PRLR: variants seen among roughly 807,000 people sequenced by gnomAD.
The protein encoded by PRLR is prolactin receptor, also known as hPRL receptor.
In PRLR, 13 loss-of-function variants were observed where a neutral mutation model predicts 40.2. The observed-to-expected ratio is 0.32, with a 90% CI of 0.21 to 0.51. The LOEUF (loss-of-function observed/expected upper bound fraction) is 0.51. Ranked by LOEUF, PRLR falls within the 20% of genes least tolerant of loss-of-function variation. The pLI, the probability that PRLR is intolerant of heterozygous loss-of-function variation, is 0.97. For missense variants in PRLR, 656 were observed against 747.3 expected, an observed-to-expected ratio of 0.88 and a Z score of 1.42; for synonymous variants, 269 against 278.7, an observed-to-expected ratio of 0.97 and a Z score of 0.35.
intron 2 of PRLR, among the ~76,000 whole-genome samples, chr5:35,117,060 T>G (rs962063685): frequency 6.6e-6 from 1 of 152,094 alleles, no homozygotes; most frequent in Non-Finnish European, 1.5e-5. Context: ...CTTCTGGTAT[T>G]TAGTGGGAGA....
chr5:35,199,289 T>A (rs1775816696), intron 1 of PRLR, among the ~76,000 whole-genome samples: 1 of 152,192 alleles, frequency 6.6e-6, no homozygotes, highest in Non-Finnish European at 1.5e-5. Flanking sequence ...GGCCGTGTAA[T>A]GCTGTGGACA....
chr5:35,096,189 C>T (rs1407562531), intron 2 of PRLR, among the ~76,000 whole-genome samples: 4 of 152,226 alleles, frequency 2.6e-5, no homozygotes, highest in East Asian at 1.9e-4. Context: ...GATATATGTG[C>T]CTTTGCACTG....
chr5:35,229,633 C>T (rs1029914030), intron 1 of PRLR, among the ~76,000 whole-genome samples: 9 of 152,086 alleles, frequency 5.9e-5, no homozygotes, highest in African/African-American at 2.2e-4. Flanking sequence ...TGCCTAGGTG[C>T]CTCCGTCCAG....
intron 2 of PRLR, among the ~76,000 whole-genome samples, chr5:35,100,183 CAAAAA>C (rs35912961): frequency 1.5e-5 from 1 of 65,056 alleles, no homozygotes. Flanking sequence ...GACTCTGTCT[CAAAAA>C]AAAAAAAAAA....
intron 1 of PRLR, among the ~76,000 whole-genome samples, chr5:35,171,917 A>C (rs1186285940): frequency 1.3e-5 from 2 of 152,194 alleles, no homozygotes; most frequent in Non-Finnish European, 2.9e-5. Context: ...TGATGCAAAA[A>C]AGTCTCACTT....
chr5:35,139,109 A>G (rs13181490), intron 1 of PRLR, among the ~76,000 whole-genome samples: 31,675 of 152,044 alleles, frequency 0.21, 5,966 homozygotes, highest in African/African-American at 0.5. Context: ...AGGAGGTTTG[A>G]ATAAACATAT....
intron 1 of PRLR, among the ~76,000 whole-genome samples, chr5:35,180,081 T>C (rs953963531): frequency 6.6e-6 from 1 of 152,148 alleles, no homozygotes; most frequent in African/African-American, 2.4e-5. Flanking sequence ...TATAGTCTCA[T>C]AAGGAGTGTG....
rs1768888739 is a variant in PRLR, at chr5:35,059,092, C to G, written c.*5997G>C. The stretch of plus-strand genomic sequence containing the variant: ...TTTGTGAAGTGTGCACAAAAAAACT[C>G]AGACTACATTTTGAGGTTTATCCAA... On this transcript the variant is annotated 3_prime_UTR_variant, in exon 10 of 10. Transcript: ENST00000618457. 6.6e-6 allele frequency: 1 copy of G among 152,146 alleles called. No homozygotes were observed. The highest frequency in any genetic ancestry group is 6.5e-5 in the Admixed American group (1 of 15,274). 9.4% of individuals were successfully genotyped at this position (152,146 alleles called of 1,614,324 possible).
At chr5:35,142,418 C>A (rs1438449088) in intron 1 of PRLR, among the ~76,000 whole-genome samples, 1 of 152,048 alleles carries the variant, frequency 6.6e-6, no homozygotes, top group East Asian at 1.9e-4. Context: ...AATATTTGCT[C>A]TAATGGCACA....
chr5:35,132,249 C>T (rs1337046454), intron 1 of PRLR, among the ~76,000 whole-genome samples: 3 of 152,224 alleles, frequency 2.0e-5, no homozygotes, highest in Middle Eastern at 3.4e-3. Flanking sequence ...ATTTTGTGGT[C>T]TCTAAAGTCT....
At chr5:35,228,089 T>C (rs935303802) in intron 1 of PRLR, among the ~76,000 whole-genome samples, 3 of 152,052 alleles carry the variant, frequency 2.0e-5, no homozygotes, top group Admixed American at 1.3e-4. Flanking sequence ...GTAAGCCCCA[T>C]AGGAGAGAGA....
At chr5:35,109,487 T>C (rs144808561) in intron 2 of PRLR, among the ~76,000 whole-genome samples, 9,024 of 152,010 alleles carry the variant, frequency 0.059, 628 homozygotes, top group East Asian at 0.18. Context: ...GGGCTAATAT[T>C]CAGAATCTAC....
intron 2 of PRLR, among the ~76,000 whole-genome samples, chr5:35,099,543 A>G (rs906793444): frequency 2.0e-5 from 3 of 152,186 alleles, no homozygotes; most frequent in Admixed American, 6.5e-5. Flanking sequence ...TCTACTTATT[A>G]AAAAAAGTTA....
intron 1 of PRLR, among the ~76,000 whole-genome samples, chr5:35,135,016 A>G (rs1291955658): frequency 6.6e-6 from 1 of 152,146 alleles, no homozygotes; most frequent in Non-Finnish European, 1.5e-5. Flanking sequence ...TTTTAAATCT[A>G]CTGACTGAAA....
At chr5:35,109,304 T>C (rs1772488164) in intron 2 of PRLR, among the ~76,000 whole-genome samples, 2 of 152,208 alleles carry the variant, frequency 1.3e-5, no homozygotes, top group Non-Finnish European at 2.9e-5. Context: ...GATATAGGCA[T>C]GGGCAAGGAC....
chr5:35,106,913 C>A (rs1485478661), intron 2 of PRLR, among the ~76,000 whole-genome samples: 1 of 152,202 alleles, frequency 6.6e-6, no homozygotes, highest in African/African-American at 2.4e-5. Context: ...CCCAAATCAA[C>A]AGAATATACA....
At chr5:35,089,736 G>T in intron 2 of PRLR, 73 bp from the exon 3 acceptor site, 1 of 886,802 alleles carries the variant, frequency 1.1e-6, no homozygotes, top group Non-Finnish European at 1.8e-6. Context: ...TTTATTCTGG[G>T]TATTTGCAAC....
At chr5:35,208,175 GCGCACACACA>G (rs1401877814) in intron 1 of PRLR, among the ~76,000 whole-genome samples, 1 of 145,346 alleles carries the variant, frequency 6.9e-6, no homozygotes, top group Non-Finnish European at 1.5e-5. Context: ...ACCCACGCGC[GCGCACACACA>G]CACACACACA....
At chr5:35,054,214 C>G (rs1007493625), downstream of PRLR, among the ~76,000 whole-genome samples, 3 of 152,196 alleles carry the variant, frequency 2.0e-5, no homozygotes, top group African/African-American at 7.2e-5. Context: ...CAAGGGTACA[C>G]ATCAGTAAAA....
Sources: gnomAD v4.1 joint callset for allele counts (sites outside exome capture counted in the v4.1 genomes callset) on GRCh38, gnomAD v4.1.1 for gene constraint, MANE v1.5 for transcripts, NCBI Gene and HGNC (gene_info 2026-07-23, HGNC 2026-07-21) for gene names.